Variants in RALGDS observed in about 807,000 individuals in gnomAD.
RALGDS encodes the protein ral guanine nucleotide exchange factor.
A neutral mutation model predicts 99.8 loss-of-function variants in RALGDS; 44 were observed. The ratio of observed to expected loss-of-function variants is 0.44; its 90% CI spans 0.35 to 0.57. The LOEUF (loss-of-function observed/expected upper bound fraction) is 0.57. Among genes scored for constraint, RALGDS ranks in the 20% least tolerant of loss-of-function variants. RALGDS has a pLI of 0.01. For synonymous variants in RALGDS, 529 were observed against 505.0 expected (o/e 1.05, Z -0.64); for missense variants, 1,022 against 1,203.1 (o/e 0.85, Z 2.23).
chr9:133,146,214 G>T (rs1832620462), intron 1 of RALGDS, among the ~76,000 whole-genome samples: 1 of 152,120 alleles, frequency 6.6e-6, no homozygotes, highest in Non-Finnish European at 1.5e-5. Flanking sequence ...TTGAGACAGG[G>T]TCTGGCTCCG....
intron 1 of RALGDS, among the ~76,000 whole-genome samples, chr9:133,120,367 C>T (rs1216913281): frequency 6.6e-6 from 1 of 152,162 alleles, no homozygotes; most frequent in Non-Finnish European, 1.5e-5. Context: ...ACCCTCCTCC[C>T]CTCACCACCA....
At chr9:133,124,385 TAGAGAC>T (rs1287755797), upstream of RALGDS, among the ~76,000 whole-genome samples, 2 of 151,546 alleles carry the variant, frequency 1.3e-5, no homozygotes, top group Non-Finnish European at 2.9e-5. Context: ...CTCAGAGACA[TAGAGAC>T]AGACACAGAG....
intron 1 of RALGDS, among the ~76,000 whole-genome samples, chr9:133,141,270 G>A (rs1227461777): frequency 6.6e-6 from 1 of 152,168 alleles, no homozygotes; most frequent in African/African-American, 2.4e-5. Context: ...CCAACCCACT[G>A]GGCAGTGTGG....
upstream of RALGDS, among the ~76,000 whole-genome samples, chr9:133,125,570 C>A (rs555260905): frequency 7.9e-5 from 12 of 152,182 alleles, no homozygotes; most frequent in East Asian, 9.7e-4. Context: ...CTCATCTCTA[C>A]TAAAAATACA....
intron 1 of RALGDS, among the ~76,000 whole-genome samples, chr9:133,143,100 C>T (rs1832551360): frequency 6.6e-6 from 1 of 152,228 alleles, no homozygotes; most frequent in South Asian, 2.1e-4. Flanking sequence ...TCACCAGGCA[C>T]CTCTGCAGCA....
At chr9:133,118,113 G>A (rs543867638) in intron 1 of RALGDS, among the ~76,000 whole-genome samples, 5 of 152,276 alleles carry the variant, frequency 3.3e-5, no homozygotes, top group East Asian at 3.9e-4. Flanking sequence ...GGACCCTCCC[G>A]AGTAGAGCAA....
chr9:133,101,504 A>G lies in RALGDS; in HGVS notation c.2454+16T>C, dbSNP rs1430618353. 1 of 1,610,358 alleles carries G rather than the reference A, an allele frequency of 6.2e-7. No individual in the cohort carries two copies. The highest frequency in any genetic ancestry group is 1.7e-5 in the Admixed American group (1 of 60,018). On this transcript the variant is annotated intron_variant, in intron 16 of 17. Coordinates refer to ENST00000372050, the MANE Select transcript of RALGDS (RefSeq NM_006266.4). ...GCCAGTGGAGGGAGGCACCCAGGCCACCCCCGCCGGCTTACCAGGATGCTC... is the reference window on the plus strand; with the variant it reads ...GCCAGTGGAGGGAGGCACCCAGGCCGCCCCCGCCGGCTTACCAGGATGCTC...
chr9:133,128,113 C>T (rs907226848), intron 1 of RALGDS, among the ~76,000 whole-genome samples: 2 of 152,248 alleles, frequency 1.3e-5, no homozygotes, highest in African/African-American at 4.8e-5. Flanking sequence ...CCCACTCCTG[C>T]AGTGCTCGCT....
chr9:133,103,603 C>A, intron 11 of RALGDS, 144 bp downstream of exon 11: 1 of 896,504 alleles, frequency 1.1e-6, no homozygotes, highest in Non-Finnish European at 1.9e-6. Flanking sequence ...TGCTGCAGCT[C>A]TGTGTTTGGG....
At chr9:133,149,136 G>C (rs972042630) in exon 1 of RALGDS, 6 of 242,332 alleles carry the variant, frequency 2.5e-5, no homozygotes, top group Non-Finnish European at 4.0e-5. Flanking sequence ...TGCGGCCCTC[G>C]GGGCCGCCCC....
At chr9:133,113,128 C>G (rs191464986) in intron 1 of RALGDS, among the ~76,000 whole-genome samples, 3 of 152,164 alleles carry the variant, frequency 2.0e-5, no homozygotes, top group Non-Finnish European at 4.4e-5. Flanking sequence ...GAGCTTGCAG[C>G]GGGTAGAGGA....
chr9:133,104,862 G>C (rs1057108440), intron 9 of RALGDS, among the ~76,000 whole-genome samples: 4 of 152,082 alleles, frequency 2.6e-5, no homozygotes, highest in Non-Finnish European at 5.9e-5. Flanking sequence ...GAGACTCTGC[G>C]CTACAGTCCT....
At position 133,108,791 on chromosome 9, in the gene RALGDS, G is replaced by A; in HGVS notation, c.660C>T (p.Cys220=). Residue 220 remains cysteine, a synonymous_variant, in exon 5 of 18, where the codon TGC becomes TGT. Transcript: ENST00000372050. ...EDFCQPPDFP[C]LKQLVAYVQL... ...GCACGTAGGCCACCAGCTGCTTGAG[G>A]CAGGGAAAGTCCGGAGGTTGACAGA... 6.2e-6 allele frequency: 10 copies of A among 1,613,576 alleles called. No homozygotes were observed. Among genetic ancestry groups the A allele is most frequent in the Non-Finnish European group, 8.5e-6 (10 of 1,180,002 alleles).
intron 9 of RALGDS, 84 bp from the exon 10 acceptor site, chr9:133,104,415 G>C: frequency 7.8e-7 from 1 of 1,279,052 alleles, no homozygotes; most frequent in Admixed American, 1.7e-5. Context: ...CAGTGTGGTC[G>C]GGTTCCAGGG....
At chr9:133,109,469 G>A (rs541593815) in intron 4 of RALGDS, among the ~76,000 whole-genome samples, 157 bp downstream of exon 4, 1 of 152,320 alleles carries the variant, frequency 6.6e-6, no homozygotes, top group South Asian at 2.1e-4. Context: ...TCTTCCTGCA[G>A]GCGAAGCCCC....
At chr9:133,132,891 C>A (rs554750337), upstream of RALGDS, among the ~76,000 whole-genome samples, 1 of 152,242 alleles carries the variant, frequency 6.6e-6, no homozygotes, top group South Asian at 2.1e-4. Flanking sequence ...CCCGCCTTGG[C>A]CTCCCAAAAT....
chr9:133,103,218 G>A lies in RALGDS; in HGVS notation c.1791+12C>T, dbSNP rs1393969165. 1 of 1,613,740 alleles carries A rather than the reference G, an allele frequency of 6.2e-7. No individual in the cohort carries two copies. Among genetic ancestry groups the A allele is most frequent in the Non-Finnish European group, 8.5e-7 (1 of 1,180,002 alleles). On this transcript the variant is annotated intron_variant, in intron 12 of 17. Coordinates refer to ENST00000372050, the MANE Select transcript of RALGDS (RefSeq NM_006266.4). ...ACCCCTCCCCAAGTCAGGGCTGCCT[G>A]CAGCTGCTTACCTTCCTCCTCTTCT...
At chr9:133,148,672 C>T (rs1356151858) in intron 1 of RALGDS, among the ~76,000 whole-genome samples, 1 of 152,240 alleles carries the variant, frequency 6.6e-6, no homozygotes, top group Non-Finnish European at 1.5e-5. Context: ...TAGAGGCTGT[C>T]ATTCCCAAAG....
chr9:133,139,587 A>AG (rs1041497168), intron 1 of RALGDS, among the ~76,000 whole-genome samples: 41 of 152,176 alleles, frequency 2.7e-4, no homozygotes, highest in African/African-American at 9.4e-4. Context: ...TCAGGGAAGA[A>AG]GGGGGTCGGG....
Sources: gnomAD v4.1 joint callset for allele counts (sites outside exome capture counted in the v4.1 genomes callset) on GRCh38, gnomAD v4.1.1 for gene constraint, MANE v1.5 for transcripts, NCBI Gene and HGNC (gene_info 2026-07-23, HGNC 2026-07-21) for gene names.